FAT4: variants seen among roughly 807,000 people sequenced by gnomAD.
FAT4 encodes the protein FAT atypical cadherin 4.
FAT4 carries 84 observed loss-of-function variants against 303.9 expected under a neutral mutation model. The ratio of observed to expected loss-of-function variants is 0.28; its 90% CI spans 0.23 to 0.33. The LOEUF (loss-of-function observed/expected upper bound fraction) is 0.33, where lower values mean the gene tolerates loss of function less well. Ranked by LOEUF, FAT4 falls within the 10% of genes least tolerant of loss-of-function variation. The pLI is 1.00. For synonymous variants in FAT4, 2,307 were observed against 2,298.8 expected (o/e 1.00, Z -0.10); for missense variants, 6,005 against 6,146.8 (o/e 0.98, Z 0.77).
chr4:125,365,939 C>T (rs557121731), intron 2 of FAT4, among the ~76,000 whole-genome samples: 1 of 152,160 alleles, frequency 6.6e-6, no homozygotes, highest in Admixed American at 6.5e-5. Context: ...GAGCGGCAGG[C>T]TAACGAGCAT....
Position 125,407,032 on chromosome 4 carries a change from T to C in FAT4, c.5460T>C (p.Leu1820=), listed in dbSNP as rs1734643484. Residue 1820 remains leucine (L), a synonymous_variant, in exon 4 of 18, where the codon CTT becomes CTC. Coordinates refer to ENST00000394329, the MANE Select transcript of FAT4 (RefSeq NM_001291303.3). ...TGCTAGTTCGTGCTGATGATGGTCTTCAGTCCTCGGATATGAGAATTAATA... is the reference window on the plus strand; with the variant it reads ...TGCTAGTTCGTGCTGATGATGGTCTCCAGTCCTCGGATATGAGAATTAATA... ...YSLLVRADDG[L]QSSDMRINIT... 1 of 1,613,730 alleles carries C rather than the reference T, an allele frequency of 6.2e-7. No homozygotes were observed. Among genetic ancestry groups the C allele is most frequent in the Non-Finnish European group, 8.5e-7 (1 of 1,179,882 alleles).
chr4:125,451,758 ATCTG>A lies in FAT4; in HGVS notation c.10754_10757del (p.Ser3585TrpfsTer22). ...GACAGAGAGCAGATTGCAGACTTCT[ATCTG>A]TCTGTGGTTACCAAGGATTCTGGTG... On this transcript the variant is annotated frameshift_variant, in exon 10 of 18. Coordinates refer to ENST00000394329, the MANE Select transcript of FAT4 (RefSeq NM_001291303.3). LOFTEE classifies it high-confidence loss of function. 6.2e-7 allele frequency: 1 copy of A among 1,614,204 alleles called. No individual in the cohort carries two copies. The highest frequency in any genetic ancestry group is 8.5e-7 in the Non-Finnish European group (1 of 1,180,030).
In FAT4 at chr4:125,479,874, G is replaced by A. The variant is rs1190206749; in HGVS notation, c.12604+9G>A. 2 of 1,548,198 alleles carry A rather than the reference G, an allele frequency of 1.3e-6. No homozygotes were observed. Among genetic ancestry groups the A allele is most frequent in the East Asian group, 2.3e-5 (1 of 44,212 alleles). On this transcript the variant is annotated intron_variant, in intron 15 of 17. Transcript: ENST00000394329. ...GAAATACTGTGAAAAATGTATGTAA[G>A]GTCTTCCGTCTTCCCCTGGAAATTT... is the stretch of plus-strand genomic sequence containing the variant.
intron 2 of FAT4, among the ~76,000 whole-genome samples, chr4:125,389,220 T>G (rs1200648788): frequency 6.6e-6 from 1 of 152,070 alleles, no homozygotes; most frequent in African/African-American, 2.4e-5. Context: ...GATATAATAT[T>G]ATTTAAATTT....
chr4:125,399,546 A>C (rs969814451), intron 3 of FAT4, among the ~76,000 whole-genome samples: 3 of 151,926 alleles, frequency 2.0e-5, no homozygotes, highest in Non-Finnish European at 4.4e-5. Context: ...CCTTAAGCCA[A>C]GCCGAACACA....
Position 125,319,200 on chromosome 4 carries a change from A to G in FAT4, c.2789A>G (p.Tyr930Cys). The G allele has an allele frequency of 3.1e-6, 5 of 1,614,134 alleles. No homozygotes were observed. The highest frequency in any genetic ancestry group is 1.3e-5 in the African/African-American group (1 of 75,026). ...PDEGVNGMVL[Y>C]SLKQNPKNLF... Reference sequence around the variant, plus strand: ...GAAGGTGTCAATGGCATGGTACTCTATAGTCTGAAGCAAAACCCCAAGAAC... The same window carrying G: ...GAAGGTGTCAATGGCATGGTACTCTGTAGTCTGAAGCAAAACCCCAAGAAC... The change falls in exon 2 of 18, where the codon TAT (tyrosine) becomes TGT (cysteine). Residue 930 changes from tyrosine to cysteine, a missense_variant. Physicochemically the swap from Tyr to Cys is radical, Grantham distance 194. Transcript: ENST00000394329.
At chr4:125,467,163 T>C (rs1726695060) in intron 11 of FAT4, among the ~76,000 whole-genome samples, 1 of 152,142 alleles carries the variant, frequency 6.6e-6, no homozygotes, top group African/African-American at 2.4e-5. Flanking sequence ...CAAACTTTTA[T>C]AGCAACTTCT....
chr4:125,333,658 T>G (rs1388698384), intron 2 of FAT4, among the ~76,000 whole-genome samples: 1 of 152,166 alleles, frequency 6.6e-6, no homozygotes, highest in African/African-American at 2.4e-5. Context: ...GCTTAATCCT[T>G]AAGGAGACTT....
In FAT4 at chr4:125,316,593, T is replaced by C; in HGVS notation, c.182T>C (p.Val61Ala). ...VLEEQPPGTL[V>A]GTIQTRPGFT... ...GAAGAGCAACCTCCAGGCACTCTGG[T>C]AGGCACCATCCAGACGCGCCCCGGC... The change falls in exon 2 of 18, where the codon GTA becomes GCA. Residue 61 changes from valine to alanine, a missense_variant. Val to Ala is a moderately conservative substitution (Grantham distance 64, BLOSUM62 0). Transcript: ENST00000394329. The surrounding 1 kb of genome is among the most constrained non-coding windows in gnomAD (Gnocchi z 5.7). 1 of 1,613,974 alleles carries C rather than the reference T, an allele frequency of 6.2e-7. No homozygotes were observed. Among genetic ancestry groups the C allele is most frequent in the Non-Finnish European group, 8.5e-7 (1 of 1,180,012 alleles).
At chr4:125,364,332 C>A (rs1409577639) in intron 2 of FAT4, among the ~76,000 whole-genome samples, 2 of 152,098 alleles carry the variant, frequency 1.3e-5, no homozygotes, top group Non-Finnish European at 2.9e-5. Context: ...TTACTTCTGT[C>A]TCTTCTTCAG....
At position 125,452,787 on chromosome 4, in the gene FAT4, G is replaced by C; in HGVS notation, c.11777G>C (p.Cys3926Ser). The C allele has an allele frequency of 6.2e-7, 1 of 1,612,508 alleles. No homozygotes were observed. The highest frequency in any genetic ancestry group is 1.3e-5 in the African/African-American group (1 of 75,020). ...CAGAATTTTCCAGGAAGCTTCAACTGTGTTTGCAAAACTGGATACACAGGT... is the reference window on the plus strand; with the variant it reads ...CAGAATTTTCCAGGAAGCTTCAACTCTGTTTGCAAAACTGGATACACAGGT... ...ICQNFPGSFNCVCKTGYTGKM... is the reference protein window; with the variant it reads ...ICQNFPGSFNSVCKTGYTGKM... Residue 3926 changes from cysteine (C) to serine (S), a missense_variant, in exon 10 of 18, where the codon TGT becomes TCT. Physicochemically the swap from Cys to Ser is moderately radical, Grantham distance 112 (BLOSUM62 -1). Transcript: ENST00000394329.
rs1372229610 is a variant in FAT4, at chr4:125,491,864, G to A, written c.*96G>A. 5 of 1,277,684 alleles carry A rather than the reference G, an allele frequency of 3.9e-6. No individual in the cohort carries two copies. In the East Asian group the frequency reaches 1.3e-4, roughly 32 times the overall value. The allele number at this position is 1,277,684 out of a possible 1,614,324, so 79.1% of individuals were successfully genotyped here. On this transcript the variant is annotated 3_prime_UTR_variant, in exon 18 of 18. Coordinates refer to ENST00000394329, the MANE Select transcript of FAT4 (RefSeq NM_001291303.3). ...AGGTTGGGTCACATTTGAAAAACAG[G>A]CCAGTATGGACTAGTGGTGGAGGGA...
intron 2 of FAT4, among the ~76,000 whole-genome samples, chr4:125,361,260 C>A (rs771228650): frequency 5.3e-5 from 8 of 151,998 alleles, no homozygotes; most frequent in Non-Finnish European, 1.0e-4. Context: ...ATTAACTAAG[C>A]ATCTGGAGCA....
chr4:125,398,207 G>A (rs895288023), intron 2 of FAT4, among the ~76,000 whole-genome samples: 2 of 152,070 alleles, frequency 1.3e-5, no homozygotes, highest in Non-Finnish European at 2.9e-5. Context: ...AAGAAATGAT[G>A]GCTTAGCTTT....
chr4:125,389,554 T>G (rs1308346933), intron 2 of FAT4, among the ~76,000 whole-genome samples: 6 of 152,186 alleles, frequency 3.9e-5, no homozygotes, highest in Non-Finnish European at 5.9e-5. Flanking sequence ...AGACTTGTGT[T>G]TTCTAGTAGT....
In FAT4 at chr4:125,463,566, A is replaced by G; in HGVS notation, c.11804A>G (p.Lys3935Arg). The change falls in exon 11 of 18, where the codon AAA (lysine) becomes AGA (arginine). Residue 3935 changes from lysine to arginine, a missense_variant. Physicochemically the swap from Lys to Arg is conservative, Grantham distance 26. Transcript: ENST00000394329. Reference protein sequence around the residue: ...NCVCKTGYTGKMCESSVNYCE... With the variant: ...NCVCKTGYTGRMCESSVNYCE... ...AACTGAATTTGATATATTTTAGGGAAAATGTGTGAATCTTCAGTCAATTAC... is the reference window on the plus strand; with the variant it reads ...AACTGAATTTGATATATTTTAGGGAGAATGTGTGAATCTTCAGTCAATTAC... 1 of 1,569,948 alleles carries G rather than the reference A, an allele frequency of 6.4e-7. No individual in the cohort carries two copies.
chr4:125,446,609 A>G (rs1725838531), intron 9 of FAT4, 66 bp downstream of exon 9: 4 of 1,367,594 alleles, frequency 2.9e-6, no homozygotes, highest in Non-Finnish European at 3.9e-6. Context: ...TTCTATAAAA[A>G]TATTTATGAT....
rs1324948843 is a variant in FAT4, at chr4:125,315,216, G to T, written c.-774G>T. On this transcript the variant is annotated 5_prime_UTR_variant, in exon 1 of 18. Coordinates refer to ENST00000394329, the MANE Select transcript of FAT4 (RefSeq NM_001291303.3). ...TCGGCCCCGGCCGGCGAGAGGGAGA[G>T]CGCTGACAGGCGCCGTCCGGAGCTG... Among the ~76,000 whole-genome samples, 3 of 151,934 alleles carry T rather than the reference G, an allele frequency of 2.0e-5. No homozygotes were observed. Among genetic ancestry groups the T allele is most frequent in the East Asian group, 2.0e-4 (1 of 5,106 alleles).
At position 125,490,266 on chromosome 4, in the gene FAT4, G is replaced by C; in HGVS notation, c.13450G>C (p.Gly4484Arg). 6.2e-7 allele frequency: 1 copy of C among 1,614,148 alleles called. No homozygotes were observed. ...TCCTCAGGGGAAGGTGTGCAAAGCT[G>C]GAAGTCCTGCGGGGCATGTCTGTGT... is the stretch of plus-strand genomic sequence containing the variant. Reference protein sequence around the residue: ...LCPQGKVCKAGSPAGHVCVLS... With the variant: ...LCPQGKVCKARSPAGHVCVLS... The change falls in exon 18 of 18, where the codon GGA becomes CGA. Residue 4484 changes from glycine to arginine, a missense_variant. Gly to Arg is a moderately radical substitution (Grantham distance 125). Transcript: ENST00000394329.
Sources: allele counts gnomAD v4.1 joint callset (sites outside exome capture counted in the v4.1 genomes callset), GRCh38; gene constraint gnomAD v4.1.1; non-coding constraint Gnocchi (gnomAD v3.1); transcripts MANE v1.5; gene names NCBI Gene and HGNC (gene_info 2026-07-23, HGNC 2026-07-21).